Variants in PCBP3 observed in about 807,000 individuals in gnomAD.
PCBP3 encodes poly(rC)-binding protein 3.
PCBP3 carries 25 observed loss-of-function variants against 52.7 expected under a neutral mutation model. The observed-to-expected ratio is 0.47, with a 90% confidence interval of 0.35 to 0.66. The LOEUF is 0.66. Ranked by LOEUF, PCBP3 falls within the 30% of genes least tolerant of loss-of-function variation. The pLI is 0.01. For synonymous variants in PCBP3, 162 were observed against 183.0 expected (o/e 0.89, Z 0.93); for missense variants, 391 against 490.3 (o/e 0.80, Z 1.91).
At position 45,735,998 on chromosome 21, in the gene PCBP3, C is replaced by T. The variant is rs2085843956; in HGVS notation, c.-162+569C>T. ...TCCCAATTCTAGTTTTGTAAAACTA[C>T]CTTGAGATGACTCCTTTTAAAATTA... On this transcript the variant is annotated intron_variant, in intron 3 of 17. Coordinates refer to ENST00000681687, the MANE Select transcript of PCBP3 (RefSeq NM_001384156.1). This position sits in a 1 kb window ranked among gnomAD's most constrained non-coding sequence, Gnocchi z 4.0. Among the ~76,000 whole-genome samples the T allele has an allele frequency of 6.6e-6, 1 of 152,210 alleles. No individual in the cohort carries two copies. The highest frequency in any genetic ancestry group is 2.1e-4 in the South Asian group (1 of 4,832).
chr21:45,686,473 G>A (rs868754413), intron 2 of PCBP3, among the ~76,000 whole-genome samples: 4 of 152,088 alleles, frequency 2.6e-5, no homozygotes, highest in South Asian at 4.1e-4. Context: ...AAAAAATAAC[G>A]ACAAAATCCA....
chr21:45,934,332 G>C (rs1341325259), intron 15 of PCBP3, among the ~76,000 whole-genome samples: 1 of 152,094 alleles, frequency 6.6e-6, no homozygotes, highest in Non-Finnish European at 1.5e-5. Flanking sequence ...TGAGCACGAA[G>C]AGCAGAGCAG....
At chr21:45,650,523 C>G (rs2079609422) in intron 1 of PCBP3, among the ~76,000 whole-genome samples, 1 of 152,172 alleles carries the variant, frequency 6.6e-6, no homozygotes, top group African/African-American at 2.4e-5. Context: ...CTATCATATC[C>G]TACTGCAGCC....
intron 3 of PCBP3, among the ~76,000 whole-genome samples, chr21:45,746,905 G>A (rs1170138920): frequency 8.1e-6 from 1 of 123,928 alleles, no homozygotes; most frequent in Non-Finnish European, 1.6e-5. Flanking sequence ...TAGCGCACAC[G>A]GTGTTGTGTC....
At chr21:45,839,015 A>AT (rs1227148159) in intron 4 of PCBP3, among the ~76,000 whole-genome samples, 1 of 151,634 alleles carries the variant, frequency 6.6e-6, no homozygotes, top group Non-Finnish European at 1.5e-5. Flanking sequence ...TAATCTTTCC[A>AT]TTTTTTCTTT....
At chr21:45,923,641 A>G (rs920784449) in intron 13 of PCBP3, among the ~76,000 whole-genome samples, 3 of 152,242 alleles carry the variant, frequency 2.0e-5, no homozygotes, top group Non-Finnish European at 4.4e-5. Context: ...ACATGCATCC[A>G]GTTGGAAGCC....
intron 4 of PCBP3, among the ~76,000 whole-genome samples, chr21:45,786,289 CTT>C (rs55719581): frequency 1.9e-4 from 27 of 142,708 alleles, no homozygotes; most frequent in South Asian, 8.7e-4. Context: ...ATTTAAGTAT[CTT>C]TTTTTTTTTT....
chr21:45,885,691 G>A (rs11702443), intron 5 of PCBP3, among the ~76,000 whole-genome samples: 45,350 of 151,868 alleles, frequency 0.3, 8,241 homozygotes, highest in East Asian at 0.67. Flanking sequence ...TAGTTCTGTC[G>A]TTCCCTTTCA....
At chr21:45,838,131 A>G (rs2065334) in intron 4 of PCBP3, among the ~76,000 whole-genome samples, 33,777 of 152,056 alleles carry the variant, frequency 0.22, 4,466 homozygotes, top group African/African-American at 0.36. Context: ...TGTCCTGTGA[A>G]TTTGTGTCTT....
In PCBP3 at chr21:45,724,869, ACT is replaced by A. The variant is rs1253237997; in HGVS notation, c.-199-10519_-199-10518del. ...CGGCCTCTCTGTGAGGGAGGCACTGACTCTCAGGAGATGCTGTCATTGGGATA... is the reference window on the plus strand; with the variant it reads ...CGGCCTCTCTGTGAGGGAGGCACTGACTCAGGAGATGCTGTCATTGGGATA... On this transcript the variant is annotated intron_variant, in intron 2 of 17. Transcript: ENST00000681687. The surrounding 1 kb of genome is among the most constrained non-coding windows in gnomAD (Gnocchi z 5.3). 2.0e-5 allele frequency among the ~76,000 whole-genome samples: 3 copies of A among 151,942 alleles called. No individual in the cohort carries two copies. Among genetic ancestry groups the A allele is most frequent in the Non-Finnish European group, 2.9e-5 (2 of 67,996 alleles).
intron 4 of PCBP3, among the ~76,000 whole-genome samples, chr21:45,833,013 C>T (rs536509261): frequency 6.6e-6 from 1 of 152,228 alleles, no homozygotes; most frequent in South Asian, 2.1e-4. Context: ...TCCCTCAACA[C>T]GTGGGGATTG....
intron 5 of PCBP3, among the ~76,000 whole-genome samples, chr21:45,867,328 C>G (rs2094779479): frequency 6.6e-6 from 1 of 152,230 alleles, no homozygotes; most frequent in Admixed American, 6.5e-5. Context: ...AAAGCAGCAA[C>G]CACCTAGAAA....
At chr21:45,776,509 T>C (rs541263918) in intron 4 of PCBP3, among the ~76,000 whole-genome samples, 68 of 152,012 alleles carry the variant, frequency 4.5e-4, no homozygotes, top group African/African-American at 1.4e-3. Flanking sequence ...TCTCCCTCTT[T>C]AGATCTAGTA....
At chr21:45,907,128 T>A (rs1479544215) in intron 9 of PCBP3, among the ~76,000 whole-genome samples, 1 of 152,232 alleles carries the variant, frequency 6.6e-6, no homozygotes, top group African/African-American at 2.4e-5. Flanking sequence ...TCTCAGTTGT[T>A]CTTTCTGGGG....
intron 5 of PCBP3, among the ~76,000 whole-genome samples, chr21:45,869,687 G>A (rs1037687996): frequency 6.6e-6 from 1 of 152,234 alleles, no homozygotes; most frequent in African/African-American, 2.4e-5. Flanking sequence ...GGAGATGGGT[G>A]TGGAGACCTC....
At chr21:45,873,414 C>T (rs73382521) in intron 5 of PCBP3, 195 of 152,284 alleles carry the variant, frequency 1.3e-3, no homozygotes, top group African/African-American at 4.4e-3. Flanking sequence ...TTAATTCTAA[C>T]GTGGTTTATC....
At chr21:45,668,184 G>C (rs1270428371) in intron 1 of PCBP3, among the ~76,000 whole-genome samples, 2 of 152,048 alleles carry the variant, frequency 1.3e-5, no homozygotes, top group African/African-American at 2.4e-5. Context: ...TAGGTGCATA[G>C]CTCTATGTAT....
chr21:45,835,112 A>G (rs951017825), intron 4 of PCBP3, among the ~76,000 whole-genome samples: 1 of 152,158 alleles, frequency 6.6e-6, no homozygotes, highest in African/African-American at 2.4e-5. Context: ...ATTTATGAGG[A>G]TGTAGGAATC....
At chr21:45,677,636 G>C (rs1386252828) in intron 2 of PCBP3, among the ~76,000 whole-genome samples, 1 of 152,180 alleles carries the variant, frequency 6.6e-6, no homozygotes, top group African/African-American at 2.4e-5. Flanking sequence ...AGAAGTCAAT[G>C]CCTGGCTTCA....
Sources: gnomAD v4.1 joint callset for allele counts (sites outside exome capture counted in the v4.1 genomes callset) on GRCh38, gnomAD v4.1.1 for gene constraint, Gnocchi (gnomAD v3.1) non-coding constraint, MANE v1.5 for transcripts, NCBI Gene and HGNC (gene_info 2026-07-23, HGNC 2026-07-21) for gene names.